Variants in COMMD1 observed in about 807,000 individuals in gnomAD.
The protein encoded by COMMD1 is COMM domain-containing protein 1.
A neutral mutation model predicts 17.2 loss-of-function variants in COMMD1; 10 were observed. The observed-to-expected ratio is 0.58, with a 90% CI of 0.36 to 0.99. The LOEUF is 0.99. COMMD1 is among the 50% of genes least tolerant of loss of function. COMMD1 has a pLI of 0.01. For missense variants in COMMD1, 270 were observed against 231.8 expected, an observed-to-expected ratio of 1.17 and a Z score of -1.07; for synonymous variants, 97 against 91.6, an observed-to-expected ratio of 1.06 and a Z score of -0.34.
rs566212643 is a variant in COMMD1 at position 62,110,053 on chromosome 2, C to T, written c.463-25778C>T. On this transcript the variant is annotated intron_variant, in intron 2 of 2. Coordinates refer to ENST00000311832, the MANE Select transcript of COMMD1 (RefSeq NM_152516.4). ...CGATTATAGGTGTGAGCCACCACAT[C>T]TAGCCCTACATAATCTACTGAAATT... is the stretch of plus-strand genomic sequence containing the variant. 1.9e-4 allele frequency among the ~76,000 whole-genome samples: 29 copies of T among 149,434 alleles called. No homozygotes were observed. The East Asian group carries it at 5.8e-3, about 30-fold the overall frequency.
At chr2:61,978,030 C>T (rs1469802441) in intron 1 of COMMD1, among the ~76,000 whole-genome samples, 1 of 150,572 alleles carries the variant, frequency 6.6e-6, no homozygotes, top group Non-Finnish European at 1.5e-5. Flanking sequence ...CATGGTGGAT[C>T]ATTCCATATA....
At chr2:62,048,478 G>A (rs1056599891) in intron 2 of COMMD1, among the ~76,000 whole-genome samples, 3 of 152,012 alleles carry the variant, frequency 2.0e-5, no homozygotes, top group African/African-American at 7.2e-5. Flanking sequence ...ATGAGCCACC[G>A]TGCTGGCCAG....
In COMMD1 at chr2:61,915,873, T is replaced by C. The variant is rs550894631; in HGVS notation, c.180+10015T>C. ...AAAATAAAATAGAGATGGGGTCTTA[T>C]GTTGTCCAGGCTGGTTTTCAACTCC... On this transcript the variant is annotated intron_variant, in intron 1 of 2. Transcript: ENST00000311832. 13 of 257,596 alleles carry C rather than the reference T, an allele frequency of 5.0e-5. 3 individuals carry two copies. Among genetic ancestry groups the C allele is most frequent in the African/African-American group, 1.9e-4 (8 of 43,228 alleles). The allele number at this position is 257,596 out of a possible 1,614,324, so 16.0% of individuals were successfully genotyped here.
At chr2:62,006,096 C>CA (rs1266097290) in intron 2 of COMMD1, among the ~76,000 whole-genome samples, 2 of 146,446 alleles carry the variant, frequency 1.4e-5, no homozygotes, top group Non-Finnish European at 3.0e-5. Context: ...ATCGCAAGGA[C>CA]AAAAAACCAA....
In COMMD1 at chr2:62,136,009, T is replaced by C; in HGVS notation, c.*68T>C. 7.2e-6 allele frequency: 6 copies of C among 827,750 alleles called. No homozygotes were observed. Among genetic ancestry groups the C allele is most frequent in the Non-Finnish European group, 1.3e-5 (6 of 469,306 alleles). 51.3% of individuals were successfully genotyped at this position (827,750 alleles called of 1,614,324 possible). A position where few individuals can be genotyped will look rare whatever the true frequency, so the allele number is the denominator to read the frequency against. On this transcript the variant is annotated 3_prime_UTR_variant, in exon 3 of 3. Coordinates refer to ENST00000311832, the MANE Select transcript of COMMD1 (RefSeq NM_152516.4). The stretch of plus-strand genomic sequence containing the variant: ...CCATGATCCCTCCCCACTGACCTTT[T>C]CTAAGAAAATTCTTGTGCCCGCATT...
chr2:62,030,461 G>A (rs1305439942), intron 2 of COMMD1, among the ~76,000 whole-genome samples: 3 of 152,066 alleles, frequency 2.0e-5, no homozygotes, highest in East Asian at 1.9e-4. Context: ...TAGCAGCATC[G>A]CAGGTCTCTA....
intron 1 of COMMD1, among the ~76,000 whole-genome samples, chr2:61,983,116 A>T (rs1278570689): frequency 1.3e-5 from 2 of 151,732 alleles, no homozygotes; most frequent in African/African-American, 4.8e-5. Context: ...TCTTCTTTAA[A>T]TGTTTGATAA....
At chr2:61,982,324 T>C (rs1258396433) in intron 1 of COMMD1, among the ~76,000 whole-genome samples, 1 of 152,224 alleles carries the variant, frequency 6.6e-6, no homozygotes, top group East Asian at 1.9e-4. Context: ...ATACTGCTGA[T>C]TTTCGTATGT....
intron 1 of COMMD1, among the ~76,000 whole-genome samples, chr2:61,990,114 A>C (rs1276968676): frequency 1.3e-5 from 2 of 152,246 alleles, no homozygotes; most frequent in African/African-American, 4.8e-5. Context: ...GCCTAGGCAA[A>C]AGCCAAGAGG....
At position 62,093,911 on chromosome 2, in the gene COMMD1, C is replaced by G. The variant is rs543170432; in HGVS notation, c.463-41920C>G. Among the ~76,000 whole-genome samples, 8 of 152,332 alleles carry G rather than the reference C, an allele frequency of 5.3e-5. No individual in the cohort carries two copies. The South Asian group carries it at 1.7e-3, about 32-fold the overall frequency. ...ACTTTTCCTTTAGCTAATTTACAAG[C>G]TCTAGTTAATGCTATTAATTCAGCC... On this transcript the variant is annotated intron_variant, in intron 2 of 2. Coordinates refer to ENST00000311832, the MANE Select transcript of COMMD1 (RefSeq NM_152516.4).
chr2:62,064,322 T>C (rs983867583), intron 2 of COMMD1, among the ~76,000 whole-genome samples: 1 of 152,096 alleles, frequency 6.6e-6, no homozygotes, highest in African/African-American at 2.4e-5. Flanking sequence ...TACAGGTATG[T>C]GCCACAACGC....
intron 2 of COMMD1, among the ~76,000 whole-genome samples, chr2:62,134,777 T>A (rs1323621834): frequency 6.6e-6 from 1 of 152,052 alleles, no homozygotes; most frequent in Non-Finnish European, 1.5e-5. Context: ...AAAAAAATCT[T>A]ATTTTTTGAT....
chr2:61,998,617 A>C (rs1668836648), intron 1 of COMMD1, among the ~76,000 whole-genome samples: 1 of 152,134 alleles, frequency 6.6e-6, no homozygotes, highest in African/African-American at 2.4e-5. Flanking sequence ...AATTTCTTTG[A>C]AGAACTTCTC....
At chr2:61,983,956 A>G (rs576721225) in intron 1 of COMMD1, among the ~76,000 whole-genome samples, 21 of 152,182 alleles carry the variant, frequency 1.4e-4, no homozygotes, top group African/African-American at 5.1e-4. Context: ...TCTTTTTGAC[A>G]TGGGGACTTA....
rs187413638 is a variant in COMMD1, at chr2:61,920,389, T to G, written c.180+14531T>G. Among the ~76,000 whole-genome samples the G allele has an allele frequency of 4.9e-3, 738 of 151,712 alleles. 8 individuals carry two copies. Among genetic ancestry groups the G allele is most frequent in the African/African-American group, 0.016 (659 of 41,404 alleles). On this transcript the variant is annotated intron_variant, in intron 1 of 2. Transcript: ENST00000311832. ...AGTACTGCAGAGAGAGTTCTAAAAA[T>G]AAAGAGGGAAAGAAAGAACATACTT...
At chr2:62,063,828 T>A (rs1195107895) in intron 2 of COMMD1, among the ~76,000 whole-genome samples, 11 of 140,880 alleles carry the variant, frequency 7.8e-5, no homozygotes, top group African/African-American at 2.3e-4. Flanking sequence ...AAGTAATATA[T>A]TCTTCCAGAC....
At chr2:61,900,752 T>C (rs901557756), upstream of COMMD1, among the ~76,000 whole-genome samples, 4 of 152,222 alleles carry the variant, frequency 2.6e-5, no homozygotes, top group South Asian at 4.1e-4. Context: ...CATGGAAAAC[T>C]AGGGGGTTTA....
chr2:62,081,540 G>A (rs779416891), intron 2 of COMMD1, among the ~76,000 whole-genome samples: 10 of 152,158 alleles, frequency 6.6e-5, no homozygotes, highest in South Asian at 4.2e-4. Context: ...GTGAGCCACC[G>A]TGCCTGGCCC....
At chr2:61,944,821 T>C (rs981084845) in intron 1 of COMMD1, among the ~76,000 whole-genome samples, 1 of 152,120 alleles carries the variant, frequency 6.6e-6, no homozygotes, top group Admixed American at 6.5e-5. Flanking sequence ...TTCGGGTCAT[T>C]AGAAGGCTTC....
Sources: allele counts gnomAD v4.1 joint callset (sites outside exome capture counted in the v4.1 genomes callset), GRCh38; gene constraint gnomAD v4.1.1; transcripts MANE v1.5; gene names NCBI Gene and HGNC (gene_info 2026-07-23, HGNC 2026-07-21).